SLC39A10: variants seen among roughly 807,000 people sequenced by gnomAD.
The protein encoded by SLC39A10 is zinc transporter ZIP10.
SLC39A10 carries 13 observed loss-of-function variants against 65.1 expected under a neutral mutation model. The ratio of observed to expected loss-of-function variants is 0.20; its 90% CI spans 0.13 to 0.32. The LOEUF (loss-of-function observed/expected upper bound fraction) is 0.32. SLC39A10 is among the 10% of genes least tolerant of loss of function. The pLI, the probability that SLC39A10 is intolerant of heterozygous loss-of-function variation, is 1.00. For missense variants in SLC39A10, 831 were observed against 1,018.4 expected, an observed-to-expected ratio of 0.82 and a Z score of 2.50; for synonymous variants, 321 against 342.2, an observed-to-expected ratio of 0.94 and a Z score of 0.68.
intron 2 of SLC39A10, among the ~76,000 whole-genome samples, chr2:195,625,338 C>A (rs1049375975): frequency 6.6e-6 from 1 of 151,370 alleles, no homozygotes; most frequent in Non-Finnish European, 1.5e-5. Flanking sequence ...TGCAATGGCA[C>A]GATCTCGGCT....
intron 2 of SLC39A10, among the ~76,000 whole-genome samples, chr2:195,626,897 T>C (rs956294396): frequency 6.6e-6 from 1 of 152,200 alleles, no homozygotes; most frequent in African/African-American, 2.4e-5. Flanking sequence ...TGGCAAGTTT[T>C]ATTGCCAGGA....
At chr2:195,667,621 G>GGT (rs1259048288) in intron 1 of SLC39A10, among the ~76,000 whole-genome samples, 1 of 152,152 alleles carries the variant, frequency 6.6e-6, no homozygotes, top group African/African-American at 2.4e-5. Context: ...ATCTAATAAT[G>GGT]GTAATACCTT....
At chr2:195,684,101 C>G (rs867644223) in intron 3 of SLC39A10, among the ~76,000 whole-genome samples, 195 bp downstream of exon 3, 15 of 151,996 alleles carry the variant, frequency 9.9e-5, no homozygotes, top group Middle Eastern at 3.4e-3. Flanking sequence ...TTTTATTTAT[C>G]TCTTCTGGTA....
Position 195,718,332 on chromosome 2 carries a change from G to A in SLC39A10, c.2146G>A (p.Gly716Arg). ...VFCHELPHEL[G>R]DFAVLLKAGM... ...CTGTCATGAACTGCCACATGAATTA[G>A]GTAATATAACCTTAAAAATTTTACC... Residue 716 changes from glycine to arginine, a missense_variant and splice_region_variant, in exon 8 of 10, where the codon GGA becomes AGA. Physicochemically the swap from Gly to Arg is moderately radical, Grantham distance 125. Coordinates refer to ENST00000359634, the MANE Select transcript of SLC39A10 (RefSeq NM_020342.3). The A allele has an allele frequency of 6.2e-7, 1 of 1,601,004 alleles. No homozygotes were observed. Among genetic ancestry groups the A allele is most frequent in the South Asian group, 1.1e-5 (1 of 89,546 alleles).
chr2:195,660,954 T>C (rs1228198957), intron 1 of SLC39A10, among the ~76,000 whole-genome samples: 2 of 152,218 alleles, frequency 1.3e-5, no homozygotes, highest in Non-Finnish European at 2.9e-5. Context: ...TTATTTTCTA[T>C]GACTTTTATA....
intron 2 of SLC39A10, among the ~76,000 whole-genome samples, chr2:195,650,116 A>G (rs1453769030): frequency 6.6e-6 from 1 of 152,084 alleles, no homozygotes; most frequent in Non-Finnish European, 1.5e-5. Context: ...TGGCAAGTAC[A>G]CTAAAAATAC....
intron 1 of SLC39A10, among the ~76,000 whole-genome samples, chr2:195,679,167 C>T (rs776894522): frequency 1.7e-4 from 26 of 152,166 alleles, no homozygotes; most frequent in Non-Finnish European, 3.8e-4. Context: ...TTGAATTGGA[C>T]AGTTCTGGAC....
chr2:195,715,022 G>A (rs184792708), intron 6 of SLC39A10, among the ~76,000 whole-genome samples: 58 of 152,136 alleles, frequency 3.8e-4, no homozygotes, highest in Non-Finnish European at 7.5e-4. Flanking sequence ...AAAGTGCTGG[G>A]GTTACAGGCG....
intron 2 of SLC39A10, among the ~76,000 whole-genome samples, chr2:195,629,325 T>A (rs1425703815): frequency 7.2e-6 from 1 of 138,530 alleles, no homozygotes; most frequent in East Asian, 2.1e-4. Context: ...ACCCGAGAGG[T>A]AGAGGTTGCA....
At chr2:195,733,537 C>CTT (rs112874082) in intron 9 of SLC39A10, among the ~76,000 whole-genome samples, 1 of 148,850 alleles carries the variant, frequency 6.7e-6, no homozygotes, top group Non-Finnish European at 1.5e-5. Flanking sequence ...CTTTTCTTTT[C>CTT]TTTTTTTTTT....
chr2:195,691,627 C>A (rs1690741971), intron 3 of SLC39A10, among the ~76,000 whole-genome samples: 1 of 152,160 alleles, frequency 6.6e-6, no homozygotes, highest in Non-Finnish European at 1.5e-5. Flanking sequence ...TGTTGTTGAT[C>A]ATTTTTCCAT....
At chr2:195,701,791 C>T (rs1217988439) in intron 3 of SLC39A10, among the ~76,000 whole-genome samples, 2 of 152,076 alleles carry the variant, frequency 1.3e-5, no homozygotes, top group Admixed American at 1.3e-4. Flanking sequence ...AGGTGATCCT[C>T]CCGCCTCAGC....
intron 2 of SLC39A10, among the ~76,000 whole-genome samples, chr2:195,632,290 CTTTTTTTTTTTTTTTT>C (rs202193660): frequency 1.4e-5 from 1 of 69,224 alleles, no homozygotes. Flanking sequence ...ATTCTACTTC[CTTTTTTTTTTTTTTTT>C]TTTTTTTTTT....
chr2:195,716,959 G>C lies in SLC39A10; in HGVS notation c.2019G>C (p.Val673=). ...ETGIANIAWM[V]IMGDGIHNFS... ...GAATAGCTAATATAGCCTGGATGGTGATCATGGGGGATGGCATCCACAACT... is the reference window on the plus strand; with the variant it reads ...GAATAGCTAATATAGCCTGGATGGTCATCATGGGGGATGGCATCCACAACT... The change falls in exon 7 of 10, where the codon GTG becomes GTC. Residue 673 remains valine, a synonymous_variant. Coordinates refer to ENST00000359634, the MANE Select transcript of SLC39A10 (RefSeq NM_020342.3). 3 of 1,614,164 alleles carry C rather than the reference G, an allele frequency of 1.9e-6. No individual in the cohort carries two copies. In the Middle Eastern group the frequency reaches 5.0e-4, roughly 266 times the overall value.
intron 1 of SLC39A10, among the ~76,000 whole-genome samples, chr2:195,675,446 CTT>C: frequency 6.6e-6 from 1 of 152,204 alleles, no homozygotes. Context: ...TAAGGATTCT[CTT>C]TTTTTGAGAC....
At chr2:195,691,671 G>C (rs1690743004) in intron 3 of SLC39A10, among the ~76,000 whole-genome samples, 1 of 152,098 alleles carries the variant, frequency 6.6e-6, no homozygotes, top group South Asian at 2.1e-4. Flanking sequence ...CTTCTTTTGA[G>C]AGTTGTCTAT....
chr2:195,665,273 C>T (rs551951835), intron 1 of SLC39A10, among the ~76,000 whole-genome samples: 11 of 152,214 alleles, frequency 7.2e-5, no homozygotes, highest in South Asian at 2.1e-4. Flanking sequence ...GCAGAGATTG[C>T]GCCATTGCAC....
chr2:195,730,964 A>G (rs963378015), intron 9 of SLC39A10, among the ~76,000 whole-genome samples: 1 of 152,104 alleles, frequency 6.6e-6, no homozygotes, highest in African/African-American at 2.4e-5. Context: ...CTGTACCCTC[A>G]TCATTTTCAT....
upstream of SLC39A10, among the ~76,000 whole-genome samples, chr2:195,652,330 T>C (rs190449020): frequency 6.6e-6 from 1 of 152,042 alleles, no homozygotes; most frequent in East Asian, 1.9e-4. Context: ...GGTGAATCAC[T>C]TGAGGTCAGG....
Sources: allele counts gnomAD v4.1 joint callset (sites outside exome capture counted in the v4.1 genomes callset), GRCh38; gene constraint gnomAD v4.1.1; transcripts MANE v1.5; gene names NCBI Gene and HGNC (gene_info 2026-07-23, HGNC 2026-07-21).